NUBPL: variants seen among roughly 807,000 people sequenced by gnomAD.
NUBPL encodes the protein NUBP iron-sulfur cluster assembly factor, mitochondrial.
NUBPL carries 31 observed loss-of-function variants against 45.7 expected under a neutral mutation model. The observed-to-expected ratio is 0.68, with a 90% CI of 0.51 to 0.92. The LOEUF is 0.92. NUBPL is among the 40% of genes least tolerant of loss of function. The probability of loss-of-function intolerance (pLI) is 0.00; values close to 1 mark genes in which losing one functional copy is unlikely to be tolerated. For synonymous variants in NUBPL, 144 were observed against 140.9 expected, an observed-to-expected ratio of 1.02 and a Z score of -0.15; for missense variants, 401 against 398.7, an observed-to-expected ratio of 1.01 and a Z score of -0.05.
chr14:31,804,983 A>G (rs1437418434), intron 7 of NUBPL, among the ~76,000 whole-genome samples: 1 of 152,150 alleles, frequency 6.6e-6, no homozygotes, highest in Non-Finnish European at 1.5e-5. Context: ...TAAACTATCA[A>G]CAGAGTAAAC....
chr14:31,673,168 T>G (rs2036612975), intron 4 of NUBPL, among the ~76,000 whole-genome samples, 187 bp from the exon 5 acceptor site: 1 of 152,240 alleles, frequency 6.6e-6, no homozygotes, highest in Non-Finnish European at 1.5e-5. Flanking sequence ...CATGGTTTAT[T>G]ATTTATTTAC....
chr14:31,663,284 T>G (rs1189111044), intron 4 of NUBPL, among the ~76,000 whole-genome samples: 1 of 152,228 alleles, frequency 6.6e-6, no homozygotes, highest in Non-Finnish European at 1.5e-5. Flanking sequence ...TTGCCATTGC[T>G]TTTGGTGTTT....
chr14:31,592,820 A>C (rs1473770163), intron 3 of NUBPL, among the ~76,000 whole-genome samples: 1 of 152,176 alleles, frequency 6.6e-6, no homozygotes, highest in African/African-American at 2.4e-5. Flanking sequence ...GCCCGGACCG[A>C]ATGAATCAGA....
intron 7 of NUBPL, among the ~76,000 whole-genome samples, chr14:31,810,764 C>T (rs560698917): frequency 5.9e-5 from 9 of 152,282 alleles, no homozygotes; most frequent in African/African-American, 1.7e-4. Context: ...ACTTATTGTT[C>T]CTTTCCATGT....
chr14:31,821,943 A>G (rs1271265907), intron 7 of NUBPL, among the ~76,000 whole-genome samples: 1 of 152,260 alleles, frequency 6.6e-6, no homozygotes, highest in African/African-American at 2.4e-5. Context: ...CAGAAAGACA[A>G]ACATTGCATG....
At chr14:31,641,191 C>T (rs952672766) in intron 4 of NUBPL, among the ~76,000 whole-genome samples, 2 of 152,118 alleles carry the variant, frequency 1.3e-5, no homozygotes, top group East Asian at 1.9e-4. Context: ...ACCTTGTGAT[C>T]CTCCTGCCTC....
intron 6 of NUBPL, among the ~76,000 whole-genome samples, chr14:31,780,722 A>G (rs78097731): frequency 0.036 from 5,493 of 152,274 alleles, 129 homozygotes; most frequent in African/African-American, 0.076. Context: ...ATTTGAGATA[A>G]TAACTGTGGA....
chr14:31,834,768 A>G (rs1381671855), intron 8 of NUBPL, among the ~76,000 whole-genome samples: 1 of 152,152 alleles, frequency 6.6e-6, no homozygotes, highest in South Asian at 2.1e-4. Flanking sequence ...CATTTTGCAC[A>G]TGAGGAAATG....
At chr14:31,734,469 A>G (rs1371989611) in intron 6 of NUBPL, among the ~76,000 whole-genome samples, 2 of 152,236 alleles carry the variant, frequency 1.3e-5, no homozygotes, top group African/African-American at 4.8e-5. Context: ...GAAATGAGAA[A>G]GCTTCAAAAA....
intron 6 of NUBPL, among the ~76,000 whole-genome samples, chr14:31,785,449 A>G (rs2039266828): frequency 6.6e-6 from 1 of 152,170 alleles, no homozygotes; most frequent in Non-Finnish European, 1.5e-5. Context: ...CCCTATTGTG[A>G]GGGATCTAGG....
chr14:31,610,716 A>G (rs768072577), intron 4 of NUBPL, among the ~76,000 whole-genome samples: 1 of 152,086 alleles, frequency 6.6e-6, no homozygotes, highest in Non-Finnish European at 1.5e-5. Context: ...TCAGTAATAC[A>G]TTAGACCATT....
intron 7 of NUBPL, among the ~76,000 whole-genome samples, chr14:31,818,439 G>C (rs777076071): frequency 1.3e-5 from 2 of 152,060 alleles, no homozygotes; most frequent in Non-Finnish European, 2.9e-5. Flanking sequence ...CAGTATCTTT[G>C]TTTTTTTCTT....
intron 7 of NUBPL, among the ~76,000 whole-genome samples, chr14:31,825,774 C>T (rs1313546454): frequency 6.7e-6 from 1 of 149,092 alleles, no homozygotes; most frequent in Non-Finnish European, 1.5e-5. Flanking sequence ...CTTCTTCCTC[C>T]TCCTTTTTCT....
At chr14:31,561,639 C>A in intron 1 of NUBPL, 92 bp downstream of exon 1, 2 of 863,212 alleles carry the variant, frequency 2.3e-6, no homozygotes, top group Non-Finnish European at 3.2e-6. Context: ...GCCAAAGACT[C>A]GCCTCAGTTC....
chr14:31,589,641 C>G (rs1353785407), intron 3 of NUBPL, among the ~76,000 whole-genome samples: 6 of 152,016 alleles, frequency 3.9e-5, no homozygotes, highest in Non-Finnish European at 7.4e-5. Flanking sequence ...GGTATTTTTC[C>G]TTACCTGTTT....
intron 4 of NUBPL, among the ~76,000 whole-genome samples, chr14:31,633,783 T>G (rs552204662): frequency 1.4e-3 from 220 of 152,342 alleles, no homozygotes; most frequent in Middle Eastern, 0.014. Flanking sequence ...GAGAATCACC[T>G]AATTCTTTTT....
At chr14:31,564,233 T>A (rs2033375248) in intron 2 of NUBPL, among the ~76,000 whole-genome samples, 1 of 152,242 alleles carries the variant, frequency 6.6e-6, no homozygotes, top group African/African-American at 2.4e-5. Flanking sequence ...ACTGCTTTCC[T>A]TCTTTATGGG....
At chr14:31,684,359 C>CA (rs1409711045) in intron 6 of NUBPL, among the ~76,000 whole-genome samples, 1 of 152,084 alleles carries the variant, frequency 6.6e-6, no homozygotes, top group Non-Finnish European at 1.5e-5. Context: ...ATGTATTTTG[C>CA]AATTGATGGC....
intron 4 of NUBPL, among the ~76,000 whole-genome samples, chr14:31,629,370 A>C (rs1353890054): frequency 6.6e-6 from 1 of 152,228 alleles, no homozygotes; most frequent in Non-Finnish European, 1.5e-5. Flanking sequence ...CATTGTAAAA[A>C]AAGTTCTGGA....
Sources: allele counts gnomAD v4.1 joint callset (sites outside exome capture counted in the v4.1 genomes callset), GRCh38; gene constraint gnomAD v4.1.1; transcripts MANE v1.5; gene names NCBI Gene and HGNC (gene_info 2026-07-23, HGNC 2026-07-21).